The following DMXL2 variants were observed in gnomAD, a reference collection of about 807,000 sequenced individuals.
DMXL2 encodes the protein dmX-like protein 2.
A neutral mutation model predicts 331.1 loss-of-function variants in DMXL2; 103 were observed. That is an observed-to-expected ratio of 0.31 (90% CI 0.27 to 0.37). DMXL2 has a LOEUF of 0.37. Ranked by LOEUF, DMXL2 falls within the 10% of genes least tolerant of loss-of-function variation. DMXL2 has a pLI of 1.00. For missense variants in DMXL2, 3,171 were observed against 3,642.9 expected (o/e 0.87, Z 3.33); for synonymous variants, 1,281 against 1,252.1 (o/e 1.02, Z -0.49).
At chr15:51,493,098 T>C (rs534010979) in intron 19 of DMXL2, among the ~76,000 whole-genome samples, 27 of 152,268 alleles carry the variant, frequency 1.8e-4, no homozygotes, top group African/African-American at 6.5e-4. Flanking sequence ...ACTATAAATT[T>C]AGGGGAAAAC....
At chr15:51,476,478 A>G in intron 27 of DMXL2, 111 bp downstream of exon 27, 2 of 1,258,890 alleles carry the variant, frequency 1.6e-6, no homozygotes, top group Non-Finnish European at 2.2e-6. Context: ...AAACAAAGAA[A>G]GAAAGGAACC....
rs141333456 is a variant in DMXL2 at position 51,547,222 on chromosome 15, C to A, written c.746+8G>T. 1.3e-6 allele frequency: 2 copies of A among 1,586,086 alleles called. No homozygotes were observed. Among genetic ancestry groups the A allele is most frequent in the East Asian group, 4.5e-5 (2 of 44,156 alleles). Reference sequence around the variant, plus strand: ...GCAAACTAAAGCTACATGATTCATTCATCTAACCTGGGCATATACTTGCTA... The same window carrying A: ...GCAAACTAAAGCTACATGATTCATTAATCTAACCTGGGCATATACTTGCTA... On this transcript the variant is annotated splice_region_variant and intron_variant, in intron 7 of 43. Coordinates refer to ENST00000560891, the MANE Select transcript of DMXL2 (RefSeq NM_001378457.1).
At chr15:51,507,432 C>T (rs2046471316) in intron 15 of DMXL2, among the ~76,000 whole-genome samples, 179 bp from the exon 16 acceptor site, 2 of 152,030 alleles carry the variant, frequency 1.3e-5, no homozygotes, top group Non-Finnish European at 2.9e-5. Context: ...CTATCAAGGA[C>T]TAATGAAATT....
intron 36 of DMXL2, chr15:51,457,719 G>T (rs1281193476): frequency 1.3e-5 from 5 of 375,244 alleles, no homozygotes; most frequent in Middle Eastern, 7.1e-4. Context: ...ACAAAAGTTT[G>T]TTGTTATCTA....
chr15:51,544,191 T>C (rs1596196929), intron 8 of DMXL2, among the ~76,000 whole-genome samples: 1 of 152,170 alleles, frequency 6.6e-6, no homozygotes, highest in East Asian at 1.9e-4. Flanking sequence ...TAATCCCCAA[T>C]GTTGGAGGTA....
At chr15:51,453,412 T>C in intron 41 of DMXL2, 138 bp downstream of exon 41, 2 of 393,792 alleles carry the variant, frequency 5.1e-6, no homozygotes, top group Non-Finnish European at 9.0e-6. Context: ...AAAAACACTC[T>C]GAAATAAGAA....
At chr15:51,567,944 A>G (rs1255826042) in intron 3 of DMXL2, 1 of 152,656 alleles carries the variant, frequency 6.6e-6, no homozygotes, top group African/African-American at 2.4e-5. Flanking sequence ...TTAGCTGGCC[A>G]TGGTGGTACA....
At chr15:51,608,291 G>A (rs943673837) in intron 1 of DMXL2, among the ~76,000 whole-genome samples, 3 of 152,126 alleles carry the variant, frequency 2.0e-5, no homozygotes, top group Non-Finnish European at 2.9e-5. Context: ...CCATGAAGAC[G>A]CATGCATGCG....
At position 51,507,140 on chromosome 15, in the gene DMXL2, A is replaced by G. The variant is rs2046453344; in HGVS notation, c.2758T>C (p.Cys920Arg). The stretch of plus-strand genomic sequence containing the variant: ...TAAAACTATAATTACTTACCTAAAC[A>G]TGCTTGTACAGATTTAAGATGAAGG... Reference protein sequence around the residue: ...WHLHLKSVQACLAKASEGASS... With the variant: ...WHLHLKSVQARLAKASEGASS... The change falls in exon 16 of 44, where the codon TGT (cysteine) becomes CGT (arginine). Residue 920 changes from cysteine (C) to arginine (R), a missense_variant. Transcript: ENST00000560891. 6.3e-7 allele frequency: 1 copy of G among 1,591,254 alleles called. No individual in the cohort carries two copies. Among genetic ancestry groups the G allele is most frequent in the East Asian group, 2.3e-5 (1 of 44,356 alleles).
chr15:51,500,157 T>C lies in DMXL2; in HGVS notation c.3067A>G (p.Lys1023Glu). 2 of 1,614,210 alleles carry C rather than the reference T, an allele frequency of 1.2e-6. No individual in the cohort carries two copies. Among genetic ancestry groups the C allele is most frequent in the Non-Finnish European group, 8.5e-7 (1 of 1,180,018 alleles). ...YLVVTTCSDN[K>E]VRFWKCCMEA... The stretch of plus-strand genomic sequence containing the variant: ...ATACAACATTTCCAGAAGCGTACTT[T>C]ATTGTCAGAACAAGTTGTAACCACT... Residue 1023 changes from lysine (K) to glutamate (E), a missense_variant, in exon 18 of 44, where the codon AAA (lysine) becomes GAA (glutamate). Coordinates refer to ENST00000560891, the MANE Select transcript of DMXL2 (RefSeq NM_001378457.1).
At chr15:51,550,802 G>C (rs2049169454) in intron 6 of DMXL2, among the ~76,000 whole-genome samples, 1 of 152,084 alleles carries the variant, frequency 6.6e-6, no homozygotes, top group African/African-American at 2.4e-5. Context: ...GTCACGTTGG[G>C]TAGAAAAGGC....
chr15:51,479,982 T>C lies in DMXL2; in HGVS notation c.6722A>G (p.Lys2241Arg). Residue 2241 changes from lysine to arginine, a missense_variant, in exon 25 of 44, where the codon AAA becomes AGA. By Grantham distance (26) the Lys-to-Arg change is conservative. Around this residue, in one of 7 missense-constraint regions of DMXL2, gnomAD observed 197 missense variants for 196.2 expected, o/e 1.00. Coordinates refer to ENST00000560891, the MANE Select transcript of DMXL2 (RefSeq NM_001378457.1). Reference sequence around the variant, plus strand: ...TTCAATACTGGGATGAGGTGGTGTTTTCATCTGAACAATAGTATAAAGTAT... The same window carrying C: ...TTCAATACTGGGATGAGGTGGTGTTCTCATCTGAACAATAGTATAAAGTAT... ...HDILYTIVQMKTPPHPSIEDV... is the reference protein window; with the variant it reads ...HDILYTIVQMRTPPHPSIEDV... 2 of 1,527,300 alleles carry C rather than the reference T, an allele frequency of 1.3e-6. No individual in the cohort carries two copies. Among genetic ancestry groups the C allele is most frequent in the Non-Finnish European group, 1.8e-6 (2 of 1,122,896 alleles). The allele number at this position is 1,527,300 out of a possible 1,614,324, so 94.6% of individuals were successfully genotyped here.
intron 9 of DMXL2, 78 bp from the exon 10 acceptor site, chr15:51,538,530 T>C: frequency 8.5e-7 from 1 of 1,179,962 alleles, no homozygotes; most frequent in South Asian, 1.8e-5. Context: ...ATGACTAATC[T>C]ATATAAAGAA....
At chr15:51,473,331 C>T (rs575952494) in intron 28 of DMXL2, among the ~76,000 whole-genome samples, 1 of 152,234 alleles carries the variant, frequency 6.6e-6, no homozygotes, top group South Asian at 2.1e-4. Context: ...TTAATATGTA[C>T]TGGCAGGTTT....
At position 51,582,672 on chromosome 15, in the gene DMXL2, G is replaced by A. The variant is rs532668586; in HGVS notation, c.88-6491C>T. Among the ~76,000 whole-genome samples, 10 of 132,680 alleles carry A rather than the reference G, an allele frequency of 7.5e-5. No individual in the cohort carries two copies. In the South Asian group the frequency reaches 2.4e-3, roughly 32 times the overall value. 87.0% of individuals were successfully genotyped at this position (132,680 alleles called of 152,430 possible). On this transcript the variant is annotated intron_variant, in intron 1 of 43. Coordinates refer to ENST00000560891, the MANE Select transcript of DMXL2 (RefSeq NM_001378457.1). ...CTCAGAATTATTAATTTCTAAAAAG[G>A]ACAAATAGGTTTCCTTAATACGTTC...
In DMXL2 at chr15:51,517,184, C is replaced by CA; in HGVS notation, c.2437-18dup. ...AATAAGTTTCTGTAAATAAAAAACA[C>CA]AAAATGTTAATGGCCAACAAATTAT... is the stretch of plus-strand genomic sequence containing the variant. On this transcript the variant is annotated splice_polypyrimidine_tract_variant and intron_variant, in intron 13 of 43. Coordinates refer to ENST00000560891, the MANE Select transcript of DMXL2 (RefSeq NM_001378457.1). The CA allele has an allele frequency of 6.3e-7, 1 of 1,588,684 alleles. No homozygotes were observed. The highest frequency in any genetic ancestry group is 8.6e-7 in the Non-Finnish European group (1 of 1,157,136).
intron 1 of DMXL2, among the ~76,000 whole-genome samples, chr15:51,610,334 T>C (rs973692299): frequency 6.6e-6 from 1 of 152,164 alleles, no homozygotes; most frequent in East Asian, 1.9e-4. Flanking sequence ...TTTTAACACA[T>C]CTCTCAGCAA....
chr15:51,622,461 T>A lies in DMXL2; in HGVS notation c.85A>T (p.Thr29Ser), dbSNP rs778565397. 6.4e-7 allele frequency: 1 copy of A among 1,561,814 alleles called. No individual in the cohort carries two copies. The highest frequency in any genetic ancestry group is 1.4e-5 in the African/African-American group (1 of 73,400). The change falls in exon 1 of 44, where the codon ACG becomes TCG. Residue 29 changes from threonine (T) to serine (S), a missense_variant and splice_region_variant. By Grantham distance (58) the Thr-to-Ser change is moderately conservative. Coordinates refer to ENST00000560891, the MANE Select transcript of DMXL2 (RefSeq NM_001378457.1). ...TAGGGCTCCCGGCCGCCGCTCACCG[T>A]GAAGGGGACATCCCCGACGCTGCCC... ...SVGSVGDVPF[T>S]AYGSGCDIVI...
intron 13 of DMXL2, among the ~76,000 whole-genome samples, chr15:51,528,474 T>G (rs570740434): frequency 4.6e-5 from 7 of 152,116 alleles, no homozygotes; most frequent in African/African-American, 1.7e-4. Context: ...TATTTTCTGA[T>G]ACTATGTATC....
Sources: allele counts gnomAD v4.1 joint callset (sites outside exome capture counted in the v4.1 genomes callset), GRCh38; gene constraint gnomAD v4.1.1; regional missense constraint gnomAD v4.1.1; transcripts MANE v1.5; gene names NCBI Gene and HGNC (gene_info 2026-07-23, HGNC 2026-07-21).